ADAM2: variants seen among roughly 807,000 people sequenced by gnomAD.
The protein encoded by ADAM2 is ADAM metallopeptidase domain 2.
A neutral mutation model predicts 99.3 loss-of-function variants in ADAM2; 101 were observed. The observed-to-expected ratio is 1.02, with a 90% CI of 0.87 to 1.20. The LOEUF (loss-of-function observed/expected upper bound fraction) is 1.20. Among genes scored for constraint, ADAM2 ranks in the 50% most tolerant of loss-of-function variants. The pLI is 0.00. For synonymous variants in ADAM2, 323 were observed against 287.6 expected, an observed-to-expected ratio of 1.12 and a Z score of -1.25; for missense variants, 948 against 878.7, an observed-to-expected ratio of 1.08 and a Z score of -1.00.
intron 10 of ADAM2, among the ~76,000 whole-genome samples, chr8:39,778,709 A>G (rs1803096912): frequency 6.6e-6 from 1 of 152,062 alleles, no homozygotes; most frequent in African/African-American, 2.4e-5. Context: ...AAGGAATGAA[A>G]AGGAGAAGGA....
chr8:39,791,687 C>T (rs751620025), intron 7 of ADAM2, among the ~76,000 whole-genome samples: 6 of 152,060 alleles, frequency 3.9e-5, no homozygotes, highest in Non-Finnish European at 7.4e-5. Flanking sequence ...TGTAGCAAAG[C>T]ATATGACCTT....
chr8:39,828,115 A>G (rs1396075812), intron 3 of ADAM2, among the ~76,000 whole-genome samples: 1 of 151,998 alleles, frequency 6.6e-6, no homozygotes, highest in Non-Finnish European at 1.5e-5. Flanking sequence ...AATTTCTGAG[A>G]TATATCAAAA....
At chr8:39,796,254 A>C (rs146549808) in intron 7 of ADAM2, among the ~76,000 whole-genome samples, 2,659 of 151,998 alleles carry the variant, frequency 0.017, 75 homozygotes, top group African/African-American at 0.062. Flanking sequence ...TTGCATTCTC[A>C]ATGTTCAGCT....
rs528798713 is a variant in ADAM2 at position 39,801,364 on chromosome 8, G to T, written c.570+8046C>A. ...CATGGAGATGTCACTCAAGAAGGCT[G>T]GAGAGCAGCCAAGATGGGTACCTTC... is the stretch of plus-strand genomic sequence containing the variant. On this transcript the variant is annotated intron_variant, in intron 7 of 20. Transcript: ENST00000265708. Among the ~76,000 whole-genome samples, 16 of 152,276 alleles carry T rather than the reference G, an allele frequency of 1.1e-4. No homozygotes were observed. The South Asian group carries it at 3.3e-3, about 32-fold the overall frequency.
Position 39,788,675 on chromosome 8 carries a change from C to A in ADAM2, c.636G>T (p.Thr212=). ...CTAAGAAGCAAAGACTTACAGCATTCGTCAATCCAATCAACTGGAAAACTT... is the reference window on the plus strand; with the variant it reads ...CTAAGAAGCAAAGACTTACAGCATTAGTCAATCCAATCAACTGGAAAACTT... ...AQKVFQLIGL[T]NAIFVSFNIT... The change falls in exon 8 of 21, where the codon ACG becomes ACT. Residue 212 remains threonine (T), a synonymous_variant. Coordinates refer to ENST00000265708, the MANE Select transcript of ADAM2 (RefSeq NM_001464.5). The A allele has an allele frequency of 6.3e-7, 1 of 1,576,314 alleles. No homozygotes were observed. Among genetic ancestry groups the A allele is most frequent in the Non-Finnish European group, 8.6e-7 (1 of 1,158,164 alleles).
At chr8:39,749,855 G>T in intron 16 of ADAM2, 111 bp from the exon 17 acceptor site, 1 of 722,018 alleles carries the variant, frequency 1.4e-6, no homozygotes, top group Non-Finnish European at 2.3e-6. Flanking sequence ...AAAGGGTATT[G>T]ATTTAGCAAC....
chr8:39,787,407 T>C (rs2129585313), intron 9 of ADAM2, among the ~76,000 whole-genome samples: 1 of 151,592 alleles, frequency 6.6e-6, no homozygotes, highest in African/African-American at 2.4e-5. Context: ...AGAATCACTC[T>C]ATGGACTAAA....
rs1802794689 is a variant in ADAM2, at chr8:39,771,909, T to A, written c.1029-2334A>T. Among the ~76,000 whole-genome samples the A allele has an allele frequency of 2.6e-5, 4 of 152,042 alleles. No homozygotes were observed. In the South Asian group the frequency reaches 8.3e-4, roughly 32 times the overall value. ...GGTTTATAGAGTATACACTTTCTGG[T>A]AATGAAATTAACATTGTCATTAGAA... On this transcript the variant is annotated intron_variant, in intron 11 of 20. Transcript: ENST00000265708.
chr8:39,822,708 G>A (rs1183397832), intron 4 of ADAM2, among the ~76,000 whole-genome samples: 2 of 150,254 alleles, frequency 1.3e-5, no homozygotes, highest in East Asian at 1.9e-4. Context: ...TTTCATTTCC[G>A]TCAATTATGC....
In ADAM2 at chr8:39,766,551, G is replaced by T. The variant is rs190346343; in HGVS notation, c.1507+297C>A. Among the ~76,000 whole-genome samples, 680 of 151,716 alleles carry T rather than the reference G, an allele frequency of 4.5e-3. 8 individuals carry two copies. The highest frequency in any genetic ancestry group is 0.015 in the African/African-American group (636 of 41,346). On this transcript the variant is annotated intron_variant, in intron 14 of 20. Transcript: ENST00000265708. ...GCCTCCTGAGTAGCTGGGATTACAGGCATGTGCCACCACTTGCGGCTAATT... is the reference window on the plus strand; with the variant it reads ...GCCTCCTGAGTAGCTGGGATTACAGTCATGTGCCACCACTTGCGGCTAATT...
At chr8:39,791,312 T>G (rs1279707693) in intron 7 of ADAM2, among the ~76,000 whole-genome samples, 3 of 152,084 alleles carry the variant, frequency 2.0e-5, no homozygotes, top group Non-Finnish European at 2.9e-5. Context: ...TGTAGCCTGA[T>G]GCTAACAAGT....
chr8:39,818,091 C>A (rs771060758), intron 6 of ADAM2: 3 of 151,876 alleles, frequency 2.0e-5, no homozygotes, highest in Non-Finnish European at 4.4e-5. Context: ...GTTTGTAACA[C>A]CCTGATACCA....
chr8:39,808,556 G>A (rs1804548936), intron 7 of ADAM2, among the ~76,000 whole-genome samples: 1 of 152,072 alleles, frequency 6.6e-6, no homozygotes, highest in Non-Finnish European at 1.5e-5. Context: ...CCTTTTTGCA[G>A]AAATGGATAA....
rs2129585259 is a variant in ADAM2, at chr8:39,786,831, T to C, written c.891+143A>G. The C allele has an allele frequency of 8.5e-6, 5 of 587,212 alleles. No individual in the cohort carries two copies. The South Asian group carries it at 1.6e-4, about 19-fold the overall frequency. 36.4% of individuals were successfully genotyped at this position (587,212 alleles called of 1,614,324 possible). A position where few individuals can be genotyped will look rare whatever the true frequency, so the allele number is the denominator to read the frequency against. On this transcript the variant is annotated intron_variant, in intron 10 of 20. Transcript: ENST00000265708. Reference sequence around the variant, plus strand: ...CATAGTGAATTGAATGAGTACTTCTTATAGTTTAAACATTTCTGTCAGCAA... The same window carrying C: ...CATAGTGAATTGAATGAGTACTTCTCATAGTTTAAACATTTCTGTCAGCAA...
chr8:39,824,073 C>T (rs182311518), intron 4 of ADAM2, among the ~76,000 whole-genome samples: 3 of 152,134 alleles, frequency 2.0e-5, no homozygotes, highest in East Asian at 1.9e-4. Context: ...CACCTGAGGT[C>T]GGGAGTTCGA....
chr8:39,749,163 G>T, intron 18 of ADAM2, 149 bp downstream of exon 18: 1 of 671,428 alleles, frequency 1.5e-6, no homozygotes, highest in South Asian at 2.2e-5. Context: ...TTACTCTCTG[G>T]AAGTGGAAGT....
intron 6 of ADAM2, among the ~76,000 whole-genome samples, chr8:39,811,913 G>A (rs1412023146): frequency 6.6e-6 from 1 of 152,174 alleles, no homozygotes; most frequent in Non-Finnish European, 1.5e-5. Context: ...ACATAGTGTT[G>A]GAAGTTCTGG....
At chr8:39,762,420 G>A (rs551250516) in intron 14 of ADAM2, among the ~76,000 whole-genome samples, 8 of 152,148 alleles carry the variant, frequency 5.3e-5, no homozygotes, top group East Asian at 3.9e-4. Flanking sequence ...AAAGAAAGCC[G>A]CAATCTACAG....
chr8:39,816,354 G>A (rs1270624841), intron 6 of ADAM2, among the ~76,000 whole-genome samples: 1 of 152,084 alleles, frequency 6.6e-6, no homozygotes, highest in Non-Finnish European at 1.5e-5. Flanking sequence ...CACAGATGTT[G>A]TTTCAGGAGA....
Sources: allele counts gnomAD v4.1 joint callset (sites outside exome capture counted in the v4.1 genomes callset), GRCh38; gene constraint gnomAD v4.1.1; transcripts MANE v1.5; gene names NCBI Gene and HGNC (gene_info 2026-07-23, HGNC 2026-07-21).